Variants in PIGN observed in about 807,000 individuals in gnomAD.
The protein encoded by PIGN is phosphatidylinositol glycan anchor biosynthesis class N.
In PIGN, 117 loss-of-function variants were observed where a neutral mutation model predicts 125.4. That is an observed-to-expected ratio of 0.93 (90% CI 0.80 to 1.09). The LOEUF (loss-of-function observed/expected upper bound fraction) is 1.09. PIGN is among the 50% of genes least tolerant of loss of function. The pLI, the probability that PIGN is intolerant of heterozygous loss-of-function variation, is 0.00. For missense variants in PIGN, 1,075 were observed against 1,094.9 expected (o/e 0.98, Z 0.26); for synonymous variants, 392 against 377.8 (o/e 1.04, Z -0.44).
At chr18:62,051,324 C>T (rs2031265905) in intron 30 of PIGN, among the ~76,000 whole-genome samples, 1 of 152,206 alleles carries the variant, frequency 6.6e-6, no homozygotes. Flanking sequence ...GTGAATCCAT[C>T]TGGTCCTGGA....
At chr18:62,068,894 C>A (rs1197029414) in intron 30 of PIGN, among the ~76,000 whole-genome samples, 1 of 152,182 alleles carries the variant, frequency 6.6e-6, no homozygotes, top group Admixed American at 6.6e-5. Flanking sequence ...TTCTGAAAAG[C>A]CTTCCTTAAG....
intron 14 of PIGN, among the ~76,000 whole-genome samples, chr18:62,128,148 C>T (rs2035605789): frequency 6.6e-6 from 1 of 152,012 alleles, no homozygotes; most frequent in Non-Finnish European, 1.5e-5. Context: ...ATATATAAAA[C>T]AACTATACAT....
chr18:62,047,362 C>G (rs1315518158), intron 30 of PIGN, among the ~76,000 whole-genome samples: 1 of 152,206 alleles, frequency 6.6e-6, no homozygotes, highest in Non-Finnish European at 1.5e-5. Context: ...ACTTCCACCT[C>G]CATGAAGCAG....
intron 21 of PIGN, among the ~76,000 whole-genome samples, chr18:62,101,416 C>G (rs983169396): frequency 6.6e-6 from 1 of 152,112 alleles, no homozygotes; most frequent in African/African-American, 2.4e-5. Flanking sequence ...TAACAAAGCA[C>G]GTAAGAATGT....
downstream of PIGN, among the ~76,000 whole-genome samples, chr18:62,041,010 G>C (rs1170092829): frequency 1.3e-5 from 2 of 152,234 alleles, no homozygotes; most frequent in East Asian, 3.9e-4. Context: ...GTTTACCCAA[G>C]AGTAATAATA....
chr18:62,090,343 T>A, intron 24 of PIGN, 133 bp downstream of exon 24: 1 of 572,784 alleles, frequency 1.7e-6, no homozygotes, highest in Non-Finnish European at 3.0e-6. Flanking sequence ...AACTTAATTA[T>A]TAATGCCAAA....
chr18:62,119,138 C>T (rs1362331106), intron 14 of PIGN, among the ~76,000 whole-genome samples: 1 of 152,056 alleles, frequency 6.6e-6, no homozygotes, highest in African/African-American at 2.4e-5. Context: ...CGCAGCACGG[C>T]CTTGAGTCAG....
rs921473635 is a variant in PIGN, at chr18:62,044,847, G to T, written c.*1009C>A. On this transcript the variant is annotated 3_prime_UTR_variant, in exon 31 of 31. Transcript: ENST00000640252. The stretch of plus-strand genomic sequence containing the variant: ...AGGGATATGTAAAGGTCATTTTATG[G>T]ATAATCCATATAAAAACTGCTCTCA... The T allele has an allele frequency of 6.6e-6, 1 of 152,164 alleles. No homozygotes were observed. Among genetic ancestry groups the T allele is most frequent in the African/African-American group, 2.4e-5 (1 of 41,440 alleles). The allele number at this position is 152,164 out of a possible 1,614,324, so 9.4% of individuals were successfully genotyped here.
chr18:62,143,149 G>A (rs2036196127), intron 11 of PIGN, among the ~76,000 whole-genome samples, 157 bp downstream of exon 11: 1 of 152,030 alleles, frequency 6.6e-6, no homozygotes, highest in South Asian at 2.1e-4. Context: ...AGATTAGCTG[G>A]GCTAAAATAT....
chr18:62,179,054 T>C (rs1422982106), intron 1 of PIGN, among the ~76,000 whole-genome samples: 1 of 152,194 alleles, frequency 6.6e-6, no homozygotes, highest in Non-Finnish European at 1.5e-5. Context: ...AGATTTTGTA[T>C]AATGTCTTGC....
At position 62,063,032 on chromosome 18, in the gene PIGN, C is replaced by A. The variant is rs540967198; in HGVS notation, c.2672+9641G>T. On this transcript the variant is annotated intron_variant, in intron 30 of 30. Transcript: ENST00000640252. ...GGAACATCATGATAGACGTTAAATG[C>A]AAGCTTGCACTAGCTCTTTTAAAAT... Among the ~76,000 whole-genome samples, 258 of 151,326 alleles carry A rather than the reference C, an allele frequency of 1.7e-3. 4 individuals are homozygous for A. The South Asian group carries it at 0.019, about 11-fold the overall frequency.
intron 25 of PIGN, 130 bp from the exon 26 acceptor site, chr18:62,085,394 T>C (rs1252979280): frequency 3.0e-6 from 2 of 674,394 alleles, no homozygotes; most frequent in African/African-American, 1.8e-5. Flanking sequence ...TTGTTTTCAA[T>C]GAACATTCCA....
chr18:62,128,945 T>C (rs996619194), intron 14 of PIGN, among the ~76,000 whole-genome samples: 1 of 152,160 alleles, frequency 6.6e-6, no homozygotes, highest in Non-Finnish European at 1.5e-5. Context: ...CGATGTTTCA[T>C]TGGAAATGCA....
intron 1 of PIGN, among the ~76,000 whole-genome samples, chr18:62,171,564 C>T (rs55862459): frequency 0.17 from 26,045 of 152,098 alleles, 2,813 homozygotes; most frequent in Middle Eastern, 0.29. Flanking sequence ...TGAATGCTGT[C>T]AGTTTTCCAG....
chr18:62,156,981 G>A (rs2036759934), intron 6 of PIGN, 148 bp downstream of exon 6: 1 of 514,014 alleles, frequency 1.9e-6, no homozygotes, highest in African/African-American at 1.9e-5. Flanking sequence ...AAAAAATACT[G>A]TAATTAAACA....
intron 28 of PIGN, among the ~76,000 whole-genome samples, chr18:62,078,143 T>C (rs1333853288): frequency 6.6e-6 from 1 of 152,162 alleles, no homozygotes; most frequent in Non-Finnish European, 1.5e-5. Context: ...AATCAGCCCC[T>C]AACTGGGTGT....
At chr18:62,131,594 G>A (rs2035740516) in intron 14 of PIGN, among the ~76,000 whole-genome samples, 1 of 152,036 alleles carries the variant, frequency 6.6e-6, no homozygotes, top group South Asian at 2.1e-4. Context: ...CTCTTTATCA[G>A]AATGGATGTT....
rs754339829 is a variant in PIGN at position 62,074,804 on chromosome 18, A to C, written c.2594T>G (p.Leu865Arg). 2 of 1,606,144 alleles carry C rather than the reference A, an allele frequency of 1.2e-6. No homozygotes were observed. The highest frequency in any genetic ancestry group is 1.7e-6 in the Non-Finnish European group (2 of 1,173,872). Reference sequence around the variant, plus strand: ...CAAAGCCATAATGTCTGATATGACGAGAACAATGAGAAAAAGGCTGGAAAA... The same window carrying C: ...CAAAGCCATAATGTCTGATATGACGCGAACAATGAGAAAAAGGCTGGAAAA... ...LSSKSLFLIV[L>R]VISDIMALHF... The change falls in exon 29 of 31, where the codon CTC (leucine) becomes CGC (arginine). Residue 865 changes from leucine (L) to arginine (R), a missense_variant. Leu to Arg is a moderately radical substitution (Grantham distance 102). This residue lies in a region of PIGN where 915 missense variants were observed against 908.7 expected (regional missense o/e 1.01). Coordinates refer to ENST00000640252, the MANE Select transcript of PIGN (RefSeq NM_176787.5).
chr18:62,095,168 CT>C (rs2034127394), intron 23 of PIGN, among the ~76,000 whole-genome samples: 1 of 152,114 alleles, frequency 6.6e-6, no homozygotes, highest in African/African-American at 2.4e-5. Flanking sequence ...ACTGTTTGTT[CT>C]AGTCATTGTT....
Sources: allele counts gnomAD v4.1 joint callset (sites outside exome capture counted in the v4.1 genomes callset), GRCh38; gene constraint gnomAD v4.1.1; regional missense constraint gnomAD v4.1.1; transcripts MANE v1.5; gene names NCBI Gene and HGNC (gene_info 2026-07-23, HGNC 2026-07-21).